The following ARK2C variants were observed in gnomAD, a reference collection of about 807,000 sequenced individuals.
ARK2C encodes the protein arkadia (RNF111) C-terminal like ring finger ubiquitin ligase 2C.
chr18:46,336,193 A>G, the ARK2C span: 1 of 985,430 alleles, frequency 1.0e-6, no homozygotes, highest in South Asian at 4.7e-5. Context: ...ACTAGGCAGA[A>G]ATTCAAAAAT....
the ARK2C span, among the ~76,000 whole-genome samples, chr18:46,408,190 T>C: frequency 2.0e-5 from 3 of 152,038 alleles, no homozygotes; most frequent in African/African-American, 4.8e-5. Flanking sequence ...CAAGGAATTG[T>C]GGGGGCTGAT....
the ARK2C span, chr18:46,334,521 C>A: frequency 2.0e-6 from 1 of 500,376 alleles, no homozygotes; most frequent in South Asian, 3.1e-5. The surrounding 1 kb of genome is among the most constrained non-coding windows in gnomAD (Gnocchi z 4.4). Context: ...CTCGTGGGAG[C>A]TTTTGTAGTG....
At chr18:46,392,329 A>T in the ARK2C span, among the ~76,000 whole-genome samples, 1 of 152,162 alleles carries the variant, frequency 6.6e-6, no homozygotes, top group Non-Finnish European at 1.5e-5. Context: ...GGAACATTTA[A>T]TTAGATTCAG....
chr18:46,451,288 C>A, the ARK2C span, among the ~76,000 whole-genome samples: 1 of 152,124 alleles, frequency 6.6e-6, no homozygotes, highest in Non-Finnish European at 1.5e-5. Context: ...GCCACAGAGT[C>A]ACAGGTTTTA....
the ARK2C span, among the ~76,000 whole-genome samples, chr18:46,400,947 A>T: frequency 6.6e-6 from 1 of 152,054 alleles, no homozygotes. Context: ...GTGGTGGGAG[A>T]TGGGATACGG....
chr18:46,455,910 AAACCACC>A, the ARK2C span: 1 of 1,006,436 alleles, frequency 9.9e-7, no homozygotes, highest in Non-Finnish European at 1.5e-6. Flanking sequence ...CTGTGGGTGA[AAACCACC>A]AGCCACCAGC....
At chr18:46,419,539 C>T in the ARK2C span, among the ~76,000 whole-genome samples, 8 of 152,208 alleles carry the variant, frequency 5.3e-5, no homozygotes, top group African/African-American at 1.7e-4. Flanking sequence ...GGCACAATCT[C>T]GGCCTGAGGG....
chr18:46,447,432 G>C, the ARK2C span: 1 of 909,334 alleles, frequency 1.1e-6, no homozygotes, highest in South Asian at 1.5e-5. Flanking sequence ...AAGGCTGGGA[G>C]ATGTAAAGTT....
At chr18:46,334,739 C>CGA in the ARK2C span, 3 of 327,850 alleles carry the variant, frequency 9.2e-6, no homozygotes, top group African/African-American at 2.3e-5. The surrounding 1 kb of genome is among the most constrained non-coding windows in gnomAD (Gnocchi z 4.4). Context: ...AGCGCGCGCG[C>CGA]GAGAGCATGC....
the ARK2C span, among the ~76,000 whole-genome samples, chr18:46,387,288 T>C: frequency 3.3e-5 from 5 of 152,128 alleles, no homozygotes; most frequent in African/African-American, 1.2e-4. Context: ...AGCAAGTGGG[T>C]GAGGGGGTTG....
the ARK2C span, among the ~76,000 whole-genome samples, chr18:46,392,052 C>T: frequency 1.3e-5 from 2 of 151,884 alleles, no homozygotes; most frequent in African/African-American, 2.4e-5. Flanking sequence ...ACATACAACA[C>T]ACACACCACA....
the ARK2C span, chr18:46,447,544 T>C: frequency 3.7e-6 from 6 of 1,613,902 alleles, no homozygotes; most frequent in Non-Finnish European, 5.1e-6. Context: ...TATGGTTCAC[T>C]GAGGCTGTTT....
At chr18:46,433,667 C>A in the ARK2C span, among the ~76,000 whole-genome samples, 1 of 152,216 alleles carries the variant, frequency 6.6e-6, no homozygotes, top group Non-Finnish European at 1.5e-5. Context: ...CTGGCCTGGC[C>A]GGCAGTCACC....
the ARK2C span, among the ~76,000 whole-genome samples, chr18:46,416,465 T>G: frequency 0.27 from 41,831 of 152,146 alleles, 6,936 homozygotes; most frequent in East Asian, 0.78. Context: ...CAGGGACTTT[T>G]CTCTTTAAGC....
At chr18:46,402,294 C>T in the ARK2C span, among the ~76,000 whole-genome samples, 1 of 151,952 alleles carries the variant, frequency 6.6e-6, no homozygotes, top group Non-Finnish European at 1.5e-5. Flanking sequence ...CTGTTAAAAA[C>T]TTGTATTTAG....
the ARK2C span, chr18:46,456,652 G>A: frequency 1.2e-5 from 18 of 1,553,014 alleles, no homozygotes; most frequent in South Asian, 1.2e-4. Context: ...GAATTAGCCA[G>A]TGGACACCCC....
the ARK2C span, among the ~76,000 whole-genome samples, chr18:46,393,381 G>A: frequency 1.3e-5 from 2 of 152,168 alleles, no homozygotes; most frequent in Non-Finnish European, 2.9e-5. Context: ...ACACCTTCCC[G>A]CTGACCACCA....
At chr18:46,395,064 T>C in the ARK2C span, among the ~76,000 whole-genome samples, 2 of 152,212 alleles carry the variant, frequency 1.3e-5, no homozygotes, top group African/African-American at 4.8e-5. Context: ...CCCCCTCTCC[T>C]CGCTGGAACT....
At chr18:46,399,303 C>T in the ARK2C span, among the ~76,000 whole-genome samples, 7 of 152,168 alleles carry the variant, frequency 4.6e-5, no homozygotes, top group Admixed American at 1.3e-4. Flanking sequence ...AAAGCTTGGA[C>T]GTGGGCTGCG....
Sources: gnomAD v4.1 joint callset for allele counts (sites outside exome capture counted in the v4.1 genomes callset) on GRCh38, gnomAD v4.1.1 for gene constraint, Gnocchi (gnomAD v3.1) non-coding constraint, MANE v1.5 for transcripts, NCBI Gene and HGNC (gene_info 2026-07-23, HGNC 2026-07-21) for gene names.